TBC1D22A: variants seen among roughly 807,000 people sequenced by gnomAD.
The protein encoded by TBC1D22A is TBC1 domain family member 22A.
TBC1D22A carries 38 observed loss-of-function variants against 60.2 expected under a neutral mutation model. The ratio of observed to expected loss-of-function variants is 0.63; its 90% CI spans 0.49 to 0.83. TBC1D22A has a LOEUF of 0.83. Among genes scored for constraint, TBC1D22A ranks in the 40% least tolerant of loss-of-function variants. TBC1D22A has a pLI of 0.00. For synonymous variants in TBC1D22A, 302 were observed against 281.7 expected (o/e 1.07, Z -0.72); for missense variants, 628 against 701.0 (o/e 0.90, Z 1.18).
At position 46,990,877 on chromosome 22, in the gene TBC1D22A, C is replaced by G. The variant is rs1043831455; in HGVS notation, c.1126-6757C>G. ...TGGAAGTGACCATGGATGGCCTCCT[C>G]CTGCTGGTGTGCCGCTTTACTCTGC... On this transcript the variant is annotated intron_variant, in intron 9 of 12. Coordinates refer to ENST00000337137, the MANE Select transcript of TBC1D22A (RefSeq NM_014346.5). This position sits in a 1 kb window ranked among gnomAD's most constrained non-coding sequence, Gnocchi z 4.6. 1.3e-5 allele frequency among the ~76,000 whole-genome samples: 2 copies of G among 152,194 alleles called. No homozygotes were observed. The highest frequency in any genetic ancestry group is 2.9e-5 in the Non-Finnish European group (2 of 68,032).
chr22:46,849,355 G>C (rs577780882), intron 4 of TBC1D22A, among the ~76,000 whole-genome samples: 3 of 152,272 alleles, frequency 2.0e-5, no homozygotes, highest in African/African-American at 7.2e-5. Flanking sequence ...ACACCTTTTT[G>C]TCTCTCAGTG....
At chr22:46,881,606 T>G (rs2067855247) in intron 5 of TBC1D22A, among the ~76,000 whole-genome samples, 1 of 152,120 alleles carries the variant, frequency 6.6e-6, no homozygotes, top group Non-Finnish European at 1.5e-5. Flanking sequence ...GTCTGGCTCG[T>G]AGGAGCAGTG....
chr22:46,847,745 C>T (rs1187162189), intron 4 of TBC1D22A, among the ~76,000 whole-genome samples: 3 of 152,220 alleles, frequency 2.0e-5, no homozygotes, highest in Non-Finnish European at 4.4e-5. Flanking sequence ...GGCACCCAGG[C>T]TTGTTGGTCC....
chr22:46,767,792 G>T (rs1434013401), intron 1 of TBC1D22A, among the ~76,000 whole-genome samples: 1 of 152,056 alleles, frequency 6.6e-6, no homozygotes, highest in African/African-American at 2.4e-5. Flanking sequence ...GAGTGAGCAG[G>T]TGCAGAGGAC....
At chr22:47,108,331 CTG>C (rs1208743447) in intron 11 of TBC1D22A, among the ~76,000 whole-genome samples, 3 of 152,190 alleles carry the variant, frequency 2.0e-5, no homozygotes, top group Non-Finnish European at 4.4e-5. Context: ...GATAAACAAA[CTG>C]TGGTATATCC....
intron 4 of TBC1D22A, among the ~76,000 whole-genome samples, chr22:46,841,880 A>G (rs2086788393): frequency 6.6e-6 from 1 of 152,244 alleles, no homozygotes; most frequent in African/African-American, 2.4e-5. Flanking sequence ...ATGTGAGGTG[A>G]AGGATATAAT....
chr22:47,035,600 C>T (rs1424407733), intron 10 of TBC1D22A, among the ~76,000 whole-genome samples: 2 of 152,198 alleles, frequency 1.3e-5, no homozygotes, highest in African/African-American at 4.8e-5. Context: ...CGCCCCAGCA[C>T]GTTTGCCCTG....
rs1289139621 is a variant in TBC1D22A at position 47,028,117 on chromosome 22, C to G, written c.1202-8954C>G. ...TCTGTGAGGTGAAAATGATTTAATA[C>G]CTTGTTGCTTCAGTGCCATGTAGCT... On this transcript the variant is annotated intron_variant, in intron 10 of 12. Transcript: ENST00000337137. The surrounding 1 kb of genome is among the most constrained non-coding windows in gnomAD (Gnocchi z 4.4). Among the ~76,000 whole-genome samples, 1 of 152,160 alleles carries G rather than the reference C, an allele frequency of 6.6e-6. No homozygotes were observed. The highest frequency in any genetic ancestry group is 1.9e-4 in the East Asian group (1 of 5,200).
At chr22:47,144,478 G>A (rs1034313115) in intron 12 of TBC1D22A, among the ~76,000 whole-genome samples, 4 of 152,198 alleles carry the variant, frequency 2.6e-5, no homozygotes, top group Non-Finnish European at 5.9e-5. Context: ...CACGCAAGGC[G>A]GTCTGTGTGA....
At chr22:46,910,302 G>A (rs996884036) in intron 7 of TBC1D22A, among the ~76,000 whole-genome samples, 6 of 152,096 alleles carry the variant, frequency 3.9e-5, no homozygotes, top group Non-Finnish European at 8.8e-5. Context: ...GTCTCCTTGG[G>A]TTGAGAGACT....
chr22:46,923,677 T>C (rs1368257871), intron 8 of TBC1D22A, among the ~76,000 whole-genome samples: 1 of 152,276 alleles, frequency 6.6e-6, no homozygotes, highest in African/African-American at 2.4e-5. Context: ...CGTACCACTG[T>C]GCATAAGCAG....
Position 47,050,615 on chromosome 22 carries a change from T to C in TBC1D22A, c.1329+13417T>C, listed in dbSNP as rs367835220. ...CTCCAGGCGCCGCTTGGGCCCTGACTCTAGGAGCTTGCCTTCTGCACAAAG... is the reference window on the plus strand; with the variant it reads ...CTCCAGGCGCCGCTTGGGCCCTGACCCTAGGAGCTTGCCTTCTGCACAAAG... On this transcript the variant is annotated intron_variant, in intron 11 of 12. Coordinates refer to ENST00000337137, the MANE Select transcript of TBC1D22A (RefSeq NM_014346.5). 5.3e-5 allele frequency among the ~76,000 whole-genome samples: 8 copies of C among 152,308 alleles called. 2 individuals are homozygous for C.
intron 9 of TBC1D22A, among the ~76,000 whole-genome samples, chr22:46,995,985 G>A (rs755033555): frequency 1.3e-5 from 2 of 152,300 alleles, no homozygotes; most frequent in East Asian, 1.9e-4. Context: ...TCTGAATGCC[G>A]GGTGCCACGT....
intron 1 of TBC1D22A, among the ~76,000 whole-genome samples, chr22:46,788,581 G>A (rs1302842515): frequency 1.3e-5 from 2 of 152,032 alleles, no homozygotes; most frequent in Non-Finnish European, 2.9e-5. Context: ...ACTGGGACCC[G>A]CCTGTGGTTC....
intron 4 of TBC1D22A, among the ~76,000 whole-genome samples, chr22:46,872,980 C>G (rs1490080257): frequency 6.6e-6 from 1 of 152,168 alleles, no homozygotes; most frequent in East Asian, 1.9e-4. Flanking sequence ...CCATTCGTGT[C>G]CCTCCAGCCC....
chr22:46,948,490 G>A (rs2072690560), intron 8 of TBC1D22A, among the ~76,000 whole-genome samples: 1 of 152,190 alleles, frequency 6.6e-6, no homozygotes, highest in African/African-American at 2.4e-5. Context: ...CAAAACCTTG[G>A]TTGCAGTCAT....
chr22:46,904,142 TCTACCTACCTACCTAC>T (rs11268390), intron 7 of TBC1D22A, among the ~76,000 whole-genome samples: 20 of 134,574 alleles, frequency 1.5e-4, no homozygotes, highest in Admixed American at 7.4e-4. Context: ...TATCTATCTA[TCTACCTACCTACCTAC>T]CTACCTACCT....
At position 47,052,402 on chromosome 22, in the gene TBC1D22A, C is replaced by T. The variant is rs377398849; in HGVS notation, c.1329+15204C>T. Among the ~76,000 whole-genome samples the T allele has an allele frequency of 3.2e-3, 489 of 152,242 alleles. 2 individuals are homozygous for T. The highest frequency in any genetic ancestry group is 0.01 in the Middle Eastern group (3 of 294). ...AGCCTGGGGATGCCTGGGAGGGACC[C>T]TCAAGGTGAGGAGGTGGGAGGCTGG... On this transcript the variant is annotated intron_variant, in intron 11 of 12. Transcript: ENST00000337137.
intron 12 of TBC1D22A, among the ~76,000 whole-genome samples, chr22:47,157,576 G>A (rs533073083): frequency 6.6e-6 from 1 of 152,316 alleles, no homozygotes; most frequent in South Asian, 2.1e-4. Context: ...GCGCTGTGGT[G>A]GCCCTTCCCA....
Sources: allele counts gnomAD v4.1 joint callset (sites outside exome capture counted in the v4.1 genomes callset), GRCh38; gene constraint gnomAD v4.1.1; non-coding constraint Gnocchi (gnomAD v3.1); transcripts MANE v1.5; gene names NCBI Gene and HGNC (gene_info 2026-07-23, HGNC 2026-07-21).